Variants in SLC35F4 observed in about 807,000 individuals in gnomAD.
SLC35F4 encodes the protein chromosome 14 open reading frame 36.
A neutral mutation model predicts 44.2 loss-of-function variants in SLC35F4; 24 were observed. The ratio of observed to expected loss-of-function variants is 0.54; its 90% CI spans 0.39 to 0.76. SLC35F4 has a LOEUF of 0.76. SLC35F4 is among the 30% of genes least tolerant of loss of function. The probability of loss-of-function intolerance (pLI) is 0.00; values close to 1 mark genes in which losing one functional copy is unlikely to be tolerated. For synonymous variants in SLC35F4, 238 were observed against 223.6 expected (o/e 1.06, Z -0.57); for missense variants, 562 against 586.1 (o/e 0.96, Z 0.42).
intron 1 of SLC35F4, among the ~76,000 whole-genome samples, chr14:57,681,867 T>C (rs2074916115): frequency 6.6e-6 from 1 of 151,442 alleles, no homozygotes; most frequent in African/African-American, 2.5e-5. Context: ...AAGAAGACAT[T>C]TATGTGGCCA....
intron 1 of SLC35F4, among the ~76,000 whole-genome samples, chr14:57,683,379 C>A (rs1172210919): frequency 1.3e-5 from 2 of 152,332 alleles, no homozygotes; most frequent in South Asian, 4.1e-4. Context: ...AGAGAAGACA[C>A]TTTAAAAGCT....
intron 7 of SLC35F4, among the ~76,000 whole-genome samples, chr14:57,564,672 G>T (rs982679221): frequency 6.6e-6 from 1 of 152,132 alleles, no homozygotes; most frequent in Non-Finnish European, 1.5e-5. Flanking sequence ...TGGACCATTG[G>T]AGATTTTTCA....
At chr14:57,952,046 T>G (rs998360889) in intron 1 of SLC35F4, among the ~76,000 whole-genome samples, 53 of 152,286 alleles carry the variant, frequency 3.5e-4, no homozygotes, top group African/African-American at 1.3e-3. Context: ...CTATGACTGT[T>G]ATCTGATGGG....
chr14:57,909,890 T>C (rs900626060), intron 1 of SLC35F4, among the ~76,000 whole-genome samples: 20 of 152,180 alleles, frequency 1.3e-4, no homozygotes, highest in Non-Finnish European at 2.6e-4. Context: ...TGTAAGAAAC[T>C]GCCAAACTGT....
intron 1 of SLC35F4, among the ~76,000 whole-genome samples, chr14:57,915,973 C>A (rs931086769): frequency 2.0e-5 from 3 of 152,212 alleles, no homozygotes; most frequent in African/African-American, 7.2e-5. Flanking sequence ...TTTGCTACAG[C>A]AACAACCCTG....
At chr14:57,917,173 G>T (rs755822795) in intron 1 of SLC35F4, among the ~76,000 whole-genome samples, 1 of 152,172 alleles carries the variant, frequency 6.6e-6, no homozygotes, top group South Asian at 2.1e-4. Flanking sequence ...TGATTCTCCT[G>T]CCTCAGCCTC....
intron 1 of SLC35F4, among the ~76,000 whole-genome samples, chr14:57,721,394 GCTC>G (rs2076083015): frequency 6.6e-6 from 1 of 152,122 alleles, no homozygotes; most frequent in Admixed American, 6.5e-5. Context: ...TTGGTTGTTT[GCTC>G]CTAAGTTCAG....
intron 1 of SLC35F4, among the ~76,000 whole-genome samples, chr14:57,678,915 A>G (rs2074795436): frequency 6.6e-6 from 1 of 152,048 alleles, no homozygotes; most frequent in South Asian, 2.1e-4. Context: ...AGACTCCCAC[A>G]CAGTAATAGT....
chr14:57,878,653 A>G (rs746578592), intron 1 of SLC35F4, among the ~76,000 whole-genome samples: 37 of 152,144 alleles, frequency 2.4e-4, no homozygotes, highest in Non-Finnish European at 4.4e-4. Context: ...CTCAACCAAG[A>G]AGCTGCTTCA....
At chr14:57,662,427 G>C (rs2074167808) in intron 1 of SLC35F4, among the ~76,000 whole-genome samples, 1 of 152,172 alleles carries the variant, frequency 6.6e-6, no homozygotes, top group South Asian at 2.1e-4. Context: ...AGGTCTTTAA[G>C]ATGAATTCAT....
intron 1 of SLC35F4, among the ~76,000 whole-genome samples, chr14:57,889,796 A>G (rs1437583103): frequency 6.6e-6 from 1 of 152,210 alleles, no homozygotes; most frequent in Non-Finnish European, 1.5e-5. Context: ...TTCTATGGCC[A>G]TTACTACTAT....
intron 1 of SLC35F4, among the ~76,000 whole-genome samples, chr14:57,952,760 CA>C (rs914165649): frequency 2.5e-4 from 38 of 151,140 alleles, no homozygotes; most frequent in Non-Finnish European, 4.7e-4. Context: ...AAGGAATGAA[CA>C]AAACTTCCAA....
intron 1 of SLC35F4, among the ~76,000 whole-genome samples, chr14:57,928,729 C>T (rs1267753952): frequency 3.3e-5 from 5 of 152,122 alleles, no homozygotes; most frequent in Admixed American, 1.3e-4. Flanking sequence ...CAAAATGTGC[C>T]AAAACCAAGA....
intron 1 of SLC35F4, among the ~76,000 whole-genome samples, chr14:57,779,276 A>G (rs1227870876): frequency 6.6e-6 from 1 of 152,090 alleles, no homozygotes; most frequent in African/African-American, 2.4e-5. Flanking sequence ...GTCCAAATAA[A>G]CATAATTAGA....
chr14:57,863,716 A>G lies in SLC35F4; in HGVS notation c.103+2007T>C, dbSNP rs149245648. On this transcript the variant is annotated intron_variant, in intron 1 of 7. Transcript: ENST00000556826. Reference sequence around the variant, plus strand: ...CCTCCTCCAGCTTTCTCCTCTCTCAATCTCTCACTGTGCAAAATAGCAATC... The same window carrying G: ...CCTCCTCCAGCTTTCTCCTCTCTCAGTCTCTCACTGTGCAAAATAGCAATC... Among the ~76,000 whole-genome samples the G allele has an allele frequency of 9.5e-4, 145 of 152,184 alleles. No homozygotes were observed. In the Middle Eastern group the frequency reaches 0.014, roughly 14 times the overall value.
intron 1 of SLC35F4, among the ~76,000 whole-genome samples, chr14:57,926,451 TC>T (rs1175017894): frequency 6.6e-6 from 1 of 152,162 alleles, no homozygotes; most frequent in Non-Finnish European, 1.5e-5. Context: ...TTTTCCCACT[TC>T]CAACTGGTGC....
At chr14:57,699,460 C>T (rs2075475976) in intron 1 of SLC35F4, among the ~76,000 whole-genome samples, 3 of 152,168 alleles carry the variant, frequency 2.0e-5, no homozygotes, top group Admixed American at 2.0e-4. Context: ...CCAAGAATCC[C>T]TTACGTGCAA....
intron 1 of SLC35F4, among the ~76,000 whole-genome samples, chr14:57,874,351 T>C (rs1232294823): frequency 6.6e-6 from 1 of 152,196 alleles, no homozygotes; most frequent in East Asian, 1.9e-4. Context: ...TGACCAGTGC[T>C]TCTCAGAGTA....
At chr14:57,898,549 T>A (rs1391203097) in intron 1 of SLC35F4, among the ~76,000 whole-genome samples, 1 of 152,192 alleles carries the variant, frequency 6.6e-6, no homozygotes, top group Non-Finnish European at 1.5e-5. Context: ...CATGAAAACA[T>A]CTTGTCTCTT....
Sources: allele counts gnomAD v4.1 joint callset (sites outside exome capture counted in the v4.1 genomes callset), GRCh38; gene constraint gnomAD v4.1.1; transcripts MANE v1.5; gene names NCBI Gene and HGNC (gene_info 2026-07-23, HGNC 2026-07-21).